Variants in ASPHD1 observed in about 807,000 individuals in gnomAD.
The protein encoded by ASPHD1 is aspartate beta-hydroxylase domain-containing protein 1.
A neutral mutation model predicts 28.3 loss-of-function variants in ASPHD1; 20 were observed. The observed-to-expected ratio is 0.71, with a 90% confidence interval of 0.50 to 1.03. The LOEUF (loss-of-function observed/expected upper bound fraction) is 1.03. ASPHD1 is among the 50% of genes least tolerant of loss of function. The probability of loss-of-function intolerance (pLI) is 0.00; values close to 1 mark genes in which losing one functional copy is unlikely to be tolerated. For missense variants in ASPHD1, 479 were observed against 524.1 expected, an observed-to-expected ratio of 0.91 and a Z score of 0.84; for synonymous variants, 240 against 221.2, an observed-to-expected ratio of 1.08 and a Z score of -0.75.
chr16:29,914,863 C>T (rs1343033589), intron 3 of ASPHD1: 2 of 152,034 alleles, frequency 1.3e-5, no homozygotes, highest in African/African-American at 4.8e-5. Context: ...CAGGGGAAGC[C>T]GGGCGTGGTA....
At position 29,905,951 on chromosome 16, in the gene ASPHD1, G is replaced by C; in HGVS notation, c.*54G>C. 7.0e-7 allele frequency: 1 copy of C among 1,424,864 alleles called. No homozygotes were observed. The highest frequency in any genetic ancestry group is 1.8e-4 in the Middle Eastern group (1 of 5,580). The allele number at this position is 1,424,864 out of a possible 1,614,324, so 88.3% of individuals were successfully genotyped here. On this transcript the variant is annotated 3_prime_UTR_variant, in exon 3 of 3. Coordinates refer to ENST00000308748, the MANE Select transcript of ASPHD1 (RefSeq NM_181718.4). ...CTGGAGAGACACTGCGCTCAGGGAC[G>C]GCTTGATGGTAGCCAGGACCTCCTC...
intron 3 of ASPHD1, among the ~76,000 whole-genome samples, chr16:29,916,308 C>T (rs1490616862): frequency 2.0e-5 from 3 of 151,198 alleles, no homozygotes; most frequent in Non-Finnish European, 4.4e-5. Flanking sequence ...AGGCTGGTCT[C>T]GAACTCCTGA....
chr16:29,905,673 G>C, intron 2 of ASPHD1, 115 bp from the exon 3 acceptor site: 1 of 576,108 alleles, frequency 1.7e-6, no homozygotes, highest in South Asian at 2.4e-5. Context: ...CATTTAAAGG[G>C]TTAGAACAAG....
Position 29,901,850 on chromosome 16 carries a change from C to T in ASPHD1, c.879C>T (p.Ser293=), listed in dbSNP as rs200640580. ...SANTFGNAGF[S]VLLPGARLEG... ...ACACCTTCGGCAATGCCGGCTTTTCCGTTCTCCTGCCTGGGGCCCGGCTCG... is the reference window on the plus strand; with the variant it reads ...ACACCTTCGGCAATGCCGGCTTTTCTGTTCTCCTGCCTGGGGCCCGGCTCG... The change falls in exon 1 of 3, where the codon TCC becomes TCT. Residue 293 remains serine, a synonymous_variant. Transcript: ENST00000308748. The surrounding 1 kb of genome is among the most constrained non-coding windows in gnomAD (Gnocchi z 5.1). The T allele has an allele frequency of 1.9e-5, 30 of 1,542,818 alleles. No individual in the cohort carries two copies. In the Admixed American group the frequency reaches 3.3e-4, roughly 17 times the overall value.
chr16:29,900,469 C>G (rs1381104430), upstream of ASPHD1: 1 of 158,992 alleles, frequency 6.3e-6, no homozygotes, highest in African/African-American at 2.4e-5. Context: ...CCAGCGACAA[C>G]TCTCCCCCCT....
rs2068544831 is a variant in ASPHD1, at chr16:29,901,373, G to A, written c.402G>A (p.Gly134=). The A allele has an allele frequency of 6.3e-7, 1 of 1,592,536 alleles. No individual in the cohort carries two copies. Among genetic ancestry groups the A allele is most frequent in the African/African-American group, 1.3e-5 (1 of 74,390 alleles). ...GCGGGCCAAGCCCAGGGGGTCCTGG[G>A]GATCCCGGGGAAGGACCTAGGACGG... ...EAGGPSPGGP[G]DPGEGPRTEG... Residue 134 remains glycine (G), a synonymous_variant, in exon 1 of 3, where the codon GGG becomes GGA. Coordinates refer to ENST00000308748, the MANE Select transcript of ASPHD1 (RefSeq NM_181718.4). This position sits in a 1 kb window ranked among gnomAD's most constrained non-coding sequence, Gnocchi z 5.1.
chr16:29,912,302 GCTT>G (rs773798710), intron 3 of ASPHD1: 2 of 557,140 alleles, frequency 3.6e-6, no homozygotes, highest in South Asian at 4.7e-5. Context: ...TGCCCGGGAT[GCTT>G]CTTTGCTCAG....
At position 29,905,982 on chromosome 16, in the gene ASPHD1, T is replaced by A; in HGVS notation, c.*85T>A. ...ATGGTAGCCAGGACCTCCTCTCTAC[T>A]GCGGGGGTGGGCGGGGGCGGAGGAT... On this transcript the variant is annotated 3_prime_UTR_variant, in exon 3 of 3. Transcript: ENST00000308748. The A allele has an allele frequency of 2.0e-6, 1 of 495,796 alleles. No individual in the cohort carries two copies. Among genetic ancestry groups the A allele is most frequent in the Non-Finnish European group, 3.6e-6 (1 of 274,828 alleles). The allele number at this position is 495,796 out of a possible 1,614,324, so 30.7% of individuals were successfully genotyped here.
downstream of ASPHD1, chr16:29,907,137 T>C (rs781672488): frequency 1.1e-4 from 174 of 1,521,010 alleles, no homozygotes; most frequent in Non-Finnish European, 1.5e-4. Flanking sequence ...CCCCAGCTCC[T>C]TCCTTCTGGT....
At chr16:29,902,766 C>T (rs1349721105) in intron 1 of ASPHD1, among the ~76,000 whole-genome samples, 1 of 152,052 alleles carries the variant, frequency 6.6e-6, no homozygotes, top group South Asian at 2.1e-4. Context: ...CAATCCGCCT[C>T]GGCCTCCCAA....
intron 2 of ASPHD1, 88 bp from the exon 3 acceptor site, chr16:29,905,700 C>G: frequency 1.6e-5 from 9 of 580,332 alleles, no homozygotes; most frequent in East Asian, 8.7e-5. Flanking sequence ...CACTTATTTA[C>G]TGTTTGCTTT....
At chr16:29,911,864 C>T (rs757740187) in intron 3 of ASPHD1, 24 of 1,611,970 alleles carry the variant, frequency 1.5e-5, no homozygotes, top group African/African-American at 9.4e-5. Flanking sequence ...AGCTTCACCA[C>T]GGGCTGGCGG....
rs141266563 is a variant in ASPHD1 at position 29,901,220 on chromosome 16, C to T, written c.249C>T (p.Leu83=). 3.2e-5 allele frequency: 51 copies of T among 1,613,856 alleles called. No individual in the cohort carries two copies. Among genetic ancestry groups the T allele is most frequent in the Admixed American group, 1.5e-4 (9 of 60,006 alleles). The part of the protein sequence containing the change: ...LPLASSALTL[L]FGALTSLFLW... ...TGGCCTCCTCGGCCCTCACCTTGCT[C>T]TTCGGGGCCCTCACTTCCCTGTTCC... Residue 83 remains leucine (L), a synonymous_variant, in exon 1 of 3, where the codon CTC becomes CTT. Transcript: ENST00000308748. The surrounding 1 kb of genome is among the most constrained non-coding windows in gnomAD (Gnocchi z 5.1).
chr16:29,919,173 G>C (rs116577131), intron 3 of ASPHD1, among the ~76,000 whole-genome samples: 4,426 of 152,254 alleles, frequency 0.029, 218 homozygotes, highest in African/African-American at 0.1. Context: ...ACGATACCGG[G>C]AGTAAACAAC....
intron 3 of ASPHD1, chr16:29,912,323 C>T (rs764389471): frequency 3.2e-5 from 17 of 530,762 alleles, no homozygotes; most frequent in Admixed American, 7.6e-5. Context: ...CAGCTGTCAG[C>T]GTGGCGTGTC....
intron 1 of ASPHD1, among the ~76,000 whole-genome samples, chr16:29,903,211 C>T (rs891028808): frequency 2.4e-4 from 36 of 151,740 alleles, no homozygotes; most frequent in Non-Finnish European, 4.1e-4. Flanking sequence ...AGAAAATTAG[C>T]TGGGTGTGGT....
intron 3 of ASPHD1, chr16:29,912,035 C>A (rs141048674): frequency 6.2e-7 from 1 of 1,607,334 alleles, no homozygotes; most frequent in Non-Finnish European, 8.5e-7. Flanking sequence ...GCGGGGACAG[C>A]GTCTCCCTTT....
intron 3 of ASPHD1, chr16:29,914,435 CTTTTT>C (rs765793348): frequency 1.5e-5 from 2 of 135,102 alleles, no homozygotes; most frequent in Admixed American, 7.5e-5. Context: ...AAGTGCATTT[CTTTTT>C]TTTTTTTTTT....
chr16:29,900,940 G>C lies in ASPHD1; in HGVS notation c.-32G>C, dbSNP rs772535186. Reference sequence around the variant, plus strand: ...GAAGAGGTAGAAGGAGAGAGAAAGGGGAGAGAAAGGAGAGAGGAGGGTTGG... The same window carrying C: ...GAAGAGGTAGAAGGAGAGAGAAAGGCGAGAGAAAGGAGAGAGGAGGGTTGG... On this transcript the variant is annotated 5_prime_UTR_variant, in exon 1 of 3. Coordinates refer to ENST00000308748, the MANE Select transcript of ASPHD1 (RefSeq NM_181718.4). The C allele has an allele frequency of 7.2e-6, 11 of 1,535,904 alleles. No individual in the cohort carries two copies. In the South Asian group the frequency reaches 1.3e-4, roughly 18 times the overall value.
Sources: gnomAD v4.1 joint callset for allele counts (sites outside exome capture counted in the v4.1 genomes callset) on GRCh38, gnomAD v4.1.1 for gene constraint, Gnocchi (gnomAD v3.1) non-coding constraint, MANE v1.5 for transcripts, NCBI Gene and HGNC (gene_info 2026-07-23, HGNC 2026-07-21) for gene names.